The following DENND5B variants were observed in gnomAD, a reference collection of about 807,000 sequenced individuals.
The protein encoded by DENND5B is DENN domain containing 5B.
DENND5B carries 34 observed loss-of-function variants against 140.6 expected under a neutral mutation model. The observed-to-expected ratio is 0.24, with a 90% confidence interval of 0.18 to 0.32. DENND5B has a LOEUF of 0.32. DENND5B is among the 10% of genes least tolerant of loss of function. The pLI, the probability that DENND5B is intolerant of heterozygous loss-of-function variation, is 1.00. For missense variants in DENND5B, 1,142 were observed against 1,560.2 expected, an observed-to-expected ratio of 0.73 and a Z score of 4.52; for synonymous variants, 551 against 562.1, an observed-to-expected ratio of 0.98 and a Z score of 0.28.
At chr12:31,451,662 A>T in intron 5 of DENND5B, 1 of 367,100 alleles carries the variant, frequency 2.7e-6, no homozygotes, top group South Asian at 3.2e-5. Flanking sequence ...GTAAAGAAAA[A>T]TTGAAAATGA....
At chr12:31,548,592 C>T (rs77109139) in intron 1 of DENND5B, among the ~76,000 whole-genome samples, 3,114 of 152,132 alleles carry the variant, frequency 0.02, 55 homozygotes, top group South Asian at 0.052. Flanking sequence ...TTTTGTCAAA[C>T]AACAATAAAT....
chr12:31,560,583 A>G (rs1949439735), intron 1 of DENND5B, among the ~76,000 whole-genome samples: 1 of 152,144 alleles, frequency 6.6e-6, no homozygotes, highest in Non-Finnish European at 1.5e-5. Flanking sequence ...AGCTGCCAGG[A>G]TGATCCTTTT....
chr12:31,412,803 G>C (rs1465278003), intron 13 of DENND5B, among the ~76,000 whole-genome samples: 4 of 152,024 alleles, frequency 2.6e-5, no homozygotes, highest in Non-Finnish European at 5.9e-5. Flanking sequence ...CTGTATACAG[G>C]TTTTACAATA....
chr12:31,494,303 C>T (rs1457317057), intron 2 of DENND5B, among the ~76,000 whole-genome samples: 1 of 151,774 alleles, frequency 6.6e-6, no homozygotes, highest in African/African-American at 2.4e-5. Flanking sequence ...TCTCAAACTC[C>T]TGGGCTCAAG....
intron 8 of DENND5B, 23 bp downstream of exon 8, chr12:31,433,132 C>T: frequency 6.2e-7 from 1 of 1,610,150 alleles, no homozygotes. Context: ...CTGTGAGGCA[C>T]CCCAGGAAGG....
intron 1 of DENND5B, among the ~76,000 whole-genome samples, chr12:31,512,031 C>G (rs1374267084): frequency 6.8e-6 from 1 of 147,270 alleles, no homozygotes; most frequent in Admixed American, 7.0e-5. Flanking sequence ...ATTCTCCTAC[C>G]TCAGCCTCCT....
intron 1 of DENND5B, among the ~76,000 whole-genome samples, chr12:31,510,805 T>C (rs1223808854): frequency 6.6e-6 from 1 of 152,176 alleles, no homozygotes; most frequent in Non-Finnish European, 1.5e-5. Flanking sequence ...ATCTGTAAAA[T>C]TCCTTAACAG....
In DENND5B at chr12:31,398,209, T is replaced by C; in HGVS notation, c.3222A>G (p.Arg1074=). ...PQQKSPTTAR[R]LSITSLTGKN... The stretch of plus-strand genomic sequence containing the variant: ...TTCCTGTCAGTGAAGTGATGCTCAA[T>C]CTCCTAGCCGTGGTGGGTGACTTCT... Residue 1074 remains arginine (R), a synonymous_variant, in exon 17 of 21, where the codon AGA becomes AGG. Coordinates refer to ENST00000389082, the MANE Select transcript of DENND5B (RefSeq NM_144973.4). 1 of 1,604,672 alleles carries C rather than the reference T, an allele frequency of 6.2e-7. No individual in the cohort carries two copies.
In DENND5B at chr12:31,454,661, T is replaced by C. The variant is rs537390841; in HGVS notation, c.1093-2185A>G. ...GGTTTCACCATCTTGGCCAGGCTGGTCTTGAACTCCTGACCTCGTAATCCA... is the reference window on the plus strand; with the variant it reads ...GGTTTCACCATCTTGGCCAGGCTGGCCTTGAACTCCTGACCTCGTAATCCA... On this transcript the variant is annotated intron_variant, in intron 4 of 20. Coordinates refer to ENST00000389082, the MANE Select transcript of DENND5B (RefSeq NM_144973.4). Among the ~76,000 whole-genome samples the C allele has an allele frequency of 1.1e-4, 16 of 151,892 alleles. No homozygotes were observed. The East Asian group carries it at 3.1e-3, about 29-fold the overall frequency.
At chr12:31,409,530 G>A in intron 13 of DENND5B, 146 bp from the exon 14 acceptor site, 1 of 906,222 alleles carries the variant, frequency 1.1e-6, no homozygotes, top group Non-Finnish European at 1.5e-6. Context: ...CCAGGCTGGA[G>A]TGCAATGGTG....
rs949530394 is a variant in DENND5B, at chr12:31,383,069, C to A, written c.*4534G>T. The A allele has an allele frequency of 6.6e-6, 1 of 152,104 alleles. No individual in the cohort carries two copies. The highest frequency in any genetic ancestry group is 1.5e-5 in the Non-Finnish European group (1 of 68,002). The allele number at this position is 152,104 out of a possible 1,614,324, so 9.4% of individuals were successfully genotyped here. A position where few individuals can be genotyped will look rare whatever the true frequency, so the allele number is the denominator to read the frequency against. ...AAAGTAGAGAAGGGCTCAAGACTCT[C>A]AATCAGTGAAGGTGTGTTAATACTG... On this transcript the variant is annotated 3_prime_UTR_variant, in exon 21 of 21. Transcript: ENST00000389082.
chr12:31,441,820 A>G (rs959132409), intron 7 of DENND5B, among the ~76,000 whole-genome samples: 1 of 152,048 alleles, frequency 6.6e-6, no homozygotes, highest in African/African-American at 2.4e-5. Context: ...AAATGGGACT[A>G]CAGGTGCACA....
At chr12:31,465,986 AAC>A (rs1565607007) in intron 3 of DENND5B, 1 of 152,304 alleles carries the variant, frequency 6.6e-6, no homozygotes, top group East Asian at 1.9e-4. Context: ...TTGTAGATTA[AAC>A]ACAGGTAAAG....
intron 2 of DENND5B, among the ~76,000 whole-genome samples, chr12:31,493,697 G>A (rs576103327): frequency 3.6e-4 from 55 of 152,276 alleles, no homozygotes; most frequent in African/African-American, 1.3e-3. Flanking sequence ...TGGGCATAGT[G>A]GTGTGCGCCT....
At chr12:31,562,280 A>G (rs1359115737) in intron 1 of DENND5B, among the ~76,000 whole-genome samples, 2 of 152,222 alleles carry the variant, frequency 1.3e-5, no homozygotes, top group Non-Finnish European at 2.9e-5. Flanking sequence ...CACACATTTC[A>G]TACTACAGAA....
chr12:31,558,813 T>C (rs935839673), intron 1 of DENND5B, among the ~76,000 whole-genome samples: 1 of 152,154 alleles, frequency 6.6e-6, no homozygotes, highest in Non-Finnish European at 1.5e-5. Context: ...ATTTTAGCAT[T>C]TGAAATTCTG....
At chr12:31,516,655 T>A (rs543448173) in intron 1 of DENND5B, among the ~76,000 whole-genome samples, 1 of 152,320 alleles carries the variant, frequency 6.6e-6, no homozygotes, top group East Asian at 1.9e-4. Context: ...TGATATAATA[T>A]CTGACTGCCA....
At chr12:31,399,991 G>A (rs1167040502) in intron 15 of DENND5B, among the ~76,000 whole-genome samples, 1 of 152,204 alleles carries the variant, frequency 6.6e-6, no homozygotes. Context: ...ACTACCAAAT[G>A]AGGGGCACTG....
intron 12 of DENND5B, among the ~76,000 whole-genome samples, chr12:31,414,816 G>A (rs1177744118): frequency 6.6e-6 from 1 of 152,010 alleles, no homozygotes; most frequent in Admixed American, 6.6e-5. Context: ...GTGCTACTCA[G>A]GAGGCTGAGG....
Sources: gnomAD v4.1 joint callset for allele counts (sites outside exome capture counted in the v4.1 genomes callset) on GRCh38, gnomAD v4.1.1 for gene constraint, MANE v1.5 for transcripts, NCBI Gene and HGNC (gene_info 2026-07-23, HGNC 2026-07-21) for gene names.